Variants in KCNK10 observed in about 807,000 individuals in gnomAD.
The protein encoded by KCNK10 is potassium channel subfamily K member 10.
KCNK10 carries 25 observed loss-of-function variants against 47.7 expected under a neutral mutation model. The observed-to-expected ratio is 0.52, with a 90% CI of 0.38 to 0.73. The LOEUF (loss-of-function observed/expected upper bound fraction) is 0.73, where lower values mean the gene tolerates loss of function less well. Among genes scored for constraint, KCNK10 ranks in the 30% least tolerant of loss-of-function variants. The pLI, the probability that KCNK10 is intolerant of heterozygous loss-of-function variation, is 0.00. For missense variants in KCNK10, 563 were observed against 714.5 expected (o/e 0.79, Z 2.42); for synonymous variants, 303 against 285.6 (o/e 1.06, Z -0.61).
chr14:88,218,828 C>A lies in KCNK10; in HGVS notation c.681+8547G>T, dbSNP rs541662123. 3.0e-3 allele frequency among the ~76,000 whole-genome samples: 459 copies of A among 152,284 alleles called. 5 individuals are homozygous for A. Among genetic ancestry groups the A allele is most frequent in the Non-Finnish European group, 1.0e-3 (71 of 68,030 alleles). Reference sequence around the variant, plus strand: ...TGCTTCCAAAACCTGCTTCAGAATCCAATGTCAGCCCTCCTTCATCCCAAA... The same window carrying A: ...TGCTTCCAAAACCTGCTTCAGAATCAAATGTCAGCCCTCCTTCATCCCAAA... On this transcript the variant is annotated intron_variant, in intron 4 of 6. Transcript: ENST00000319231.
At position 88,186,375 on chromosome 14, in the gene KCNK10, T is replaced by A. The variant is rs1175405566; in HGVS notation, c.1012-220A>T. On this transcript the variant is annotated intron_variant, in intron 6 of 6. Transcript: ENST00000319231. The surrounding 1 kb of genome is among the most constrained non-coding windows in gnomAD (Gnocchi z 5.5). ...ATAAGGTGGCTCAGGGAGACACACG[T>A]GGTGGGCAACCCCAAGAAGCCTCAG... Among the ~76,000 whole-genome samples, 3 of 152,044 alleles carry A rather than the reference T, an allele frequency of 2.0e-5. No homozygotes were observed. Among genetic ancestry groups the A allele is most frequent in the Non-Finnish European group, 4.4e-5 (3 of 67,998 alleles).
At chr14:88,250,839 T>C (rs1323604739) in intron 2 of KCNK10, among the ~76,000 whole-genome samples, 1 of 152,094 alleles carries the variant, frequency 6.6e-6, no homozygotes, top group Non-Finnish European at 1.5e-5. Context: ...AGAGAAGTAC[T>C]ATTGACAACC....
intron 4 of KCNK10, 28 bp from the exon 5 acceptor site, chr14:88,192,438 C>T: frequency 1.3e-6 from 2 of 1,595,126 alleles, no homozygotes; most frequent in South Asian, 2.2e-5. Flanking sequence ...GAAAGATAGG[C>T]AAGTCAGCGG....
At chr14:88,274,792 C>A (rs544819143) in intron 1 of KCNK10, among the ~76,000 whole-genome samples, 119 of 152,204 alleles carry the variant, frequency 7.8e-4, no homozygotes, top group African/African-American at 2.7e-3. Flanking sequence ...TTTATTCAAC[C>A]AATGCATGCC....
At chr14:88,301,503 G>C (rs1021355905) in intron 1 of KCNK10, among the ~76,000 whole-genome samples, 1 of 152,034 alleles carries the variant, frequency 6.6e-6, no homozygotes, top group Non-Finnish European at 1.5e-5. Context: ...GCATGATGCA[G>C]AGACTCCTAA....
chr14:88,240,707 G>A lies in KCNK10; in HGVS notation c.516C>T (p.Thr172=). The change falls in exon 3 of 7, where the codon ACC becomes ACT. Residue 172 remains threonine (T), a synonymous_variant. Transcript: ENST00000319231. ...TATTAGCAAACAAACGGGTACCTAT[G>A]GTCGTAATGACAGTTCCAGCAAAGA... ...AFFFAGTVIT[T]IGYGNIAPST... 6.3e-7 allele frequency: 1 copy of A among 1,599,580 alleles called. No individual in the cohort carries two copies. The highest frequency in any genetic ancestry group is 1.3e-5 in the African/African-American group (1 of 74,708).
rs372775619 is a variant in KCNK10, at chr14:88,263,228, G to A, written c.376C>T (p.Pro126Ser). The A allele has an allele frequency of 3.1e-6, 5 of 1,613,892 alleles. No individual in the cohort carries two copies. In the African/African-American group the frequency reaches 6.7e-5, roughly 22 times the overall value. The change falls in exon 2 of 7, where the codon CCC (proline) becomes TCC (serine). Residue 126 changes from proline (P) to serine (S), a missense_variant. Physicochemically the swap from Pro to Ser is moderately conservative, Grantham distance 74 (BLOSUM62 -1). Transcript: ENST00000319231. ...TGGATCAACGTCTCCAGCTCCTGGG[G>A]GCTCACACAGACATGATCCCGCAGG... ...EFLRDHVCVS[P>S]QELETLIQHA...
upstream of KCNK10, among the ~76,000 whole-genome samples, chr14:88,325,759 T>A (rs1357166545): frequency 6.6e-6 from 1 of 152,202 alleles, no homozygotes; most frequent in Non-Finnish European, 1.5e-5. Flanking sequence ...TAGTTCACTG[T>A]CCAAGGCAAA....
chr14:88,267,114 A>G (rs1249780340), intron 1 of KCNK10, among the ~76,000 whole-genome samples: 2 of 152,194 alleles, frequency 1.3e-5, no homozygotes, highest in African/African-American at 4.8e-5. Flanking sequence ...TTACTGTGAA[A>G]TGTGAATAAT....
intron 2 of KCNK10, among the ~76,000 whole-genome samples, chr14:88,251,148 G>T (rs1566702511): frequency 6.9e-6 from 1 of 144,268 alleles, no homozygotes; most frequent in Non-Finnish European, 1.5e-5. Context: ...CAGAAGAATC[G>T]CTTGAACCCA....
rs57901159 is a variant in KCNK10 at position 88,310,240 on chromosome 14, T to TC, written c.52+12506_52+12507insG. 4.5e-3 allele frequency among the ~76,000 whole-genome samples: 643 copies of TC among 142,586 alleles called. 5 individuals are homozygous for TC. The highest frequency in any genetic ancestry group is 5.9e-3 in the African/African-American group (220 of 37,196). The allele number at this position is 142,586 out of a possible 152,430, so 93.5% of individuals were successfully genotyped here. A position where few individuals can be genotyped will look rare whatever the true frequency, so the allele number is the denominator to read the frequency against. ...ATCATATGGTATATGATATACCATA[T>TC]AAATGATATGCATTTATCATGGTAT... On this transcript the variant is annotated intron_variant, in intron 1 of 6. Coordinates refer to ENST00000319231, the MANE Select transcript of KCNK10 (RefSeq NM_138317.3).
In KCNK10 at chr14:88,273,963, C is replaced by T. The variant is rs567880682; in HGVS notation, c.53-10412G>A. The stretch of plus-strand genomic sequence containing the variant: ...CAAGGGTTTTAAATCTTATTGTCAA[C>T]GCCATTCCTTCCAGATGTCTTTCCC... On this transcript the variant is annotated intron_variant, in intron 1 of 6. Transcript: ENST00000319231. Among the ~76,000 whole-genome samples the T allele has an allele frequency of 1.7e-4, 26 of 152,236 alleles. 1 individual carries two copies. Among genetic ancestry groups the T allele is most frequent in the African/African-American group, 5.5e-4 (23 of 41,542 alleles).
intron 3 of KCNK10, chr14:88,235,245 G>A (rs1335054254): frequency 4.4e-6 from 2 of 456,510 alleles, no homozygotes; most frequent in African/African-American, 4.0e-5. Context: ...GAAATCATTT[G>A]GCAGAAAGCT....
At chr14:88,204,818 A>T (rs1392326920) in intron 4 of KCNK10, among the ~76,000 whole-genome samples, 1 of 152,178 alleles carries the variant, frequency 6.6e-6, no homozygotes, top group Non-Finnish European at 1.5e-5. Context: ...CCAAACATGC[A>T]CAGCCTTCCC....
intron 1 of KCNK10, among the ~76,000 whole-genome samples, chr14:88,293,366 T>C (rs11844917): frequency 0.016 from 2,394 of 152,302 alleles, 72 homozygotes; most frequent in African/African-American, 0.055. Context: ...AGAGCTAGAA[T>C]AGCATAGTTG....
chr14:88,180,625 T>A lies in KCNK10; in HGVS notation c.*4910A>T. On this transcript the variant is annotated 3_prime_UTR_variant, in exon 7 of 7. Coordinates refer to ENST00000319231, the MANE Select transcript of KCNK10 (RefSeq NM_138317.3). Reference sequence around the variant, plus strand: ...TCACCTAAGAATCAAGAACACAAAGTAGATACCAAATCTCAGGCACCTGTG... The same window carrying A: ...TCACCTAAGAATCAAGAACACAAAGAAGATACCAAATCTCAGGCACCTGTG... 1 of 396,710 alleles carries A rather than the reference T, an allele frequency of 2.5e-6. No individual in the cohort carries two copies. The highest frequency in any genetic ancestry group is 3.6e-5 in the East Asian group (1 of 28,156). The allele number at this position is 396,710 out of a possible 1,614,324, so 24.6% of individuals were successfully genotyped here.
chr14:88,207,743 G>A (rs1885327450), intron 4 of KCNK10, among the ~76,000 whole-genome samples: 2 of 152,182 alleles, frequency 1.3e-5, no homozygotes, highest in African/African-American at 4.8e-5. Context: ...AGATGCAGTG[G>A]TGAACAGGCA....
rs568062311 is a variant in KCNK10, at chr14:88,186,074, C to T, written c.1093G>A (p.Val365Met). 92 of 1,612,296 alleles carry T rather than the reference C, an allele frequency of 5.7e-5. No individual in the cohort carries two copies. Among genetic ancestry groups the T allele is most frequent in the Middle Eastern group, 1.8e-4 (1 of 5,532 alleles). Residue 365 changes from valine to methionine, a missense_variant, in exon 7 of 7, where the codon GTG becomes ATG. Coordinates refer to ENST00000319231, the MANE Select transcript of KCNK10 (RefSeq NM_138317.3). This position sits in a 1 kb window ranked among gnomAD's most constrained non-coding sequence, Gnocchi z 5.5. ...CGCTGCAGCTTATCGTGGATCTCCA[C>T]GCTGAGCCTTCGCCGTGTCTCCCGG... is the stretch of plus-strand genomic sequence containing the variant. Reference protein sequence around the residue: ...EFRETRRRLSVEIHDKLQRAA... With the variant: ...EFRETRRRLSMEIHDKLQRAA...
chr14:88,249,739 A>G (rs2139901876), intron 2 of KCNK10, among the ~76,000 whole-genome samples: 1 of 152,328 alleles, frequency 6.6e-6, no homozygotes, highest in African/African-American at 2.4e-5. Flanking sequence ...TAAATGAGTT[A>G]CTACACGTGA....
Sources: gnomAD v4.1 joint callset for allele counts (sites outside exome capture counted in the v4.1 genomes callset) on GRCh38, gnomAD v4.1.1 for gene constraint, Gnocchi (gnomAD v3.1) non-coding constraint, MANE v1.5 for transcripts, NCBI Gene and HGNC (gene_info 2026-07-23, HGNC 2026-07-21) for gene names.